The following THSD7A variants were observed in gnomAD, a reference collection of about 807,000 sequenced individuals.
THSD7A encodes thrombospondin type-1 domain-containing protein 7A.
A neutral mutation model predicts 231.3 loss-of-function variants in THSD7A; 96 were observed. The ratio of observed to expected loss-of-function variants is 0.41; its 90% CI spans 0.35 to 0.49. The LOEUF (loss-of-function observed/expected upper bound fraction) is 0.49. Among genes scored for constraint, THSD7A ranks in the 20% least tolerant of loss-of-function variants. THSD7A has a pLI of 0.05. For synonymous variants in THSD7A, 940 were observed against 743.3 expected (o/e 1.26, Z -4.30); for missense variants, 2,290 against 2,070.2 (o/e 1.11, Z -2.06).
At chr7:11,614,986 A>G (rs1781057867) in intron 2 of THSD7A, among the ~76,000 whole-genome samples, 1 of 152,242 alleles carries the variant, frequency 6.6e-6, no homozygotes, top group African/African-American at 2.4e-5. Flanking sequence ...CCAATGTTTT[A>G]TAAACATCGA....
chr7:11,496,119 T>C (rs937125469), intron 6 of THSD7A, among the ~76,000 whole-genome samples: 2 of 152,202 alleles, frequency 1.3e-5, no homozygotes, highest in South Asian at 2.1e-4. Flanking sequence ...AATTATAACA[T>C]GGAACTAATA....
At chr7:11,597,248 G>A (rs1780396067) in intron 2 of THSD7A, among the ~76,000 whole-genome samples, 1 of 152,190 alleles carries the variant, frequency 6.6e-6, no homozygotes, top group Admixed American at 6.5e-5. Flanking sequence ...TCCTTCTAAG[G>A]TGAAGGATAA....
In THSD7A at chr7:11,831,843, AGCAGCG is replaced by A. The variant is rs536177295; in HGVS notation, c.98_103del (p.Pro33_Leu34del). ...GCCCGGGCGTAGCAGCAGCAGCAGG[AGCAGCG>A]GCAGCGGCAGCGGCAGCGGCAGCAG... On this transcript the variant is annotated inframe_deletion, in exon 1 of 28. Coordinates refer to ENST00000423059, the MANE Select transcript of THSD7A (RefSeq NM_015204.3). The surrounding 1 kb of genome is among the most constrained non-coding windows in gnomAD (Gnocchi z 5.0). 378 of 1,359,886 alleles carry A rather than the reference AGCAGCG, an allele frequency of 2.8e-4. 2 individuals are homozygous for A. Among genetic ancestry groups the A allele is most frequent in the Middle Eastern group, 1.7e-3 (6 of 3,566 alleles). The allele number at this position is 1,359,886 out of a possible 1,614,324, so 84.2% of individuals were successfully genotyped here.
Position 11,593,454 on chromosome 7 carries a change from G to A in THSD7A, c.1071C>T (p.Ile357=). 1 of 1,614,022 alleles carries A rather than the reference G, an allele frequency of 6.2e-7. No homozygotes were observed. The highest frequency in any genetic ancestry group is 8.5e-7 in the Non-Finnish European group (1 of 1,179,890). ...ACTCGGAAACCTGGCACTCTTTGGT[G>A]ATCACACAGGACTGGAAGGTCATTG... The part of the protein sequence containing the change: ...KLPMTFQSCV[I]TKECQVSEWS... The change falls in exon 3 of 28, where the codon ATC becomes ATT. Residue 357 remains isoleucine (I), a synonymous_variant. Coordinates refer to ENST00000423059, the MANE Select transcript of THSD7A (RefSeq NM_015204.3).
chr7:11,762,316 C>A (rs914552651), intron 1 of THSD7A, among the ~76,000 whole-genome samples: 2 of 152,132 alleles, frequency 1.3e-5, no homozygotes, highest in African/African-American at 4.8e-5. Context: ...CACCCCCATA[C>A]TGATTTTCAT....
At chr7:11,651,018 G>T (rs1782480102) in intron 1 of THSD7A, among the ~76,000 whole-genome samples, 1 of 151,830 alleles carries the variant, frequency 6.6e-6, no homozygotes, top group Non-Finnish European at 1.5e-5. Flanking sequence ...CATGTGTTAA[G>T]ATAAGCAAAC....
chr7:11,558,912 C>G (rs1490963881), intron 4 of THSD7A, among the ~76,000 whole-genome samples: 1 of 151,938 alleles, frequency 6.6e-6, no homozygotes, highest in East Asian at 1.9e-4. Flanking sequence ...CCAGGTGGAC[C>G]CAATCTACTT....
intron 1 of THSD7A, among the ~76,000 whole-genome samples, chr7:11,695,493 C>T (rs994233606): frequency 6.6e-6 from 1 of 151,362 alleles, no homozygotes; most frequent in Non-Finnish European, 1.5e-5. Context: ...CAGTTTTATG[C>T]AATAAGGTGC....
At chr7:11,592,034 A>G (rs1035657500) in intron 3 of THSD7A, among the ~76,000 whole-genome samples, 5 of 152,220 alleles carry the variant, frequency 3.3e-5, no homozygotes, top group African/African-American at 1.2e-4. Context: ...AAAAGAATAA[A>G]GCACTTAGCT....
intron 2 of THSD7A, among the ~76,000 whole-genome samples, chr7:11,597,541 T>G: frequency 6.6e-6 from 1 of 152,206 alleles, no homozygotes; most frequent in Non-Finnish European, 1.5e-5. Context: ...TTGGAGCCTT[T>G]GGCAGGCCCC....
chr7:11,795,487 C>T (rs113006468), intron 1 of THSD7A, among the ~76,000 whole-genome samples: 5,798 of 151,698 alleles, frequency 0.038, 380 homozygotes, highest in African/African-American at 0.13. Flanking sequence ...GTCACTTTCC[C>T]GGGAATGACA....
At chr7:11,706,630 C>CTTTTTTTTTTTGTTTTTTTTTTTTTT (rs1780776975) in intron 1 of THSD7A, among the ~76,000 whole-genome samples, 1 of 66,420 alleles carries the variant, frequency 1.5e-5, no homozygotes, top group Non-Finnish European at 2.7e-5. Context: ...TAACAAGGTG[C>CTTTTTTTTTTTGTTTTTTTTTTTTTT]TTTTTTTTTT....
intron 4 of THSD7A, among the ~76,000 whole-genome samples, chr7:11,558,843 G>C (rs1184408434): frequency 3.9e-5 from 6 of 152,122 alleles, no homozygotes; most frequent in African/African-American, 2.4e-5. Context: ...TAGCAAAAGG[G>C]ACTCCACAGA....
intron 1 of THSD7A, among the ~76,000 whole-genome samples, chr7:11,736,259 A>G (rs983749619): frequency 1.8e-4 from 27 of 152,180 alleles, no homozygotes; most frequent in African/African-American, 6.5e-4. Context: ...CTAGGTCCAC[A>G]TGATAGGAGT....
In THSD7A at chr7:11,541,611, G is replaced by A. The variant is rs374580447; in HGVS notation, c.1630C>T (p.Arg544Cys). ...CCTCCAGTGGGCTCATTGGTAATGC[G>A]CCGCTTCCTCAGTTTGAAGCCTGAA... ...GKKGFKLRKR[R>C]ITNEPTGGSG... The change falls in exon 6 of 28, where the codon CGC becomes TGC. Residue 544 changes from arginine to cysteine, a missense_variant. Physicochemically the swap from Arg to Cys is radical, Grantham distance 180 (BLOSUM62 -3). Transcript: ENST00000423059. 51 of 1,613,706 alleles carry A rather than the reference G, an allele frequency of 3.2e-5. No homozygotes were observed. Among genetic ancestry groups the A allele is most frequent in the Middle Eastern group, 3.3e-4 (2 of 6,068 alleles).
intron 7 of THSD7A, 110 bp downstream of exon 7, chr7:11,481,678 A>C (rs895922993): frequency 1.7e-6 from 2 of 1,178,252 alleles, no homozygotes; most frequent in Non-Finnish European, 2.3e-6. Context: ...TGGATGGCTG[A>C]ATTTCTGGTT....
Position 11,678,658 on chromosome 7 carries a change from A to T in THSD7A, c.191-41697T>A, listed in dbSNP as rs976611351. 2.0e-5 allele frequency among the ~76,000 whole-genome samples: 3 copies of T among 152,168 alleles called. No homozygotes were observed. In the East Asian group the frequency reaches 5.8e-4, roughly 29 times the overall value. ...CAAGACTAAACCAGGAAGAAGTTGA[A>T]TCCTTGAATAGACCAGTAACAAGTT... On this transcript the variant is annotated intron_variant, in intron 1 of 27. Transcript: ENST00000423059.
At chr7:11,561,637 A>T (rs1439330980) in intron 4 of THSD7A, among the ~76,000 whole-genome samples, 2 of 152,160 alleles carry the variant, frequency 1.3e-5, no homozygotes, top group Admixed American at 6.5e-5. Context: ...TTGTGAGGCC[A>T]AGGCGGGTGG....
chr7:11,571,966 T>G (rs1307190747), intron 4 of THSD7A, among the ~76,000 whole-genome samples: 1 of 152,186 alleles, frequency 6.6e-6, no homozygotes, highest in Non-Finnish European at 1.5e-5. Context: ...TGAGATTTTT[T>G]TTTTGGCCAT....
Sources: gnomAD v4.1 joint callset for allele counts (sites outside exome capture counted in the v4.1 genomes callset) on GRCh38, gnomAD v4.1.1 for gene constraint, Gnocchi (gnomAD v3.1) non-coding constraint, MANE v1.5 for transcripts, NCBI Gene and HGNC (gene_info 2026-07-23, HGNC 2026-07-21) for gene names.